The following ALAD variants were observed in gnomAD, a reference collection of about 807,000 sequenced individuals.
The protein encoded by ALAD is delta-aminolevulinic acid dehydratase.
A neutral mutation model predicts 44.4 loss-of-function variants in ALAD; 20 were observed. The ratio of observed to expected loss-of-function variants is 0.45; its 90% CI spans 0.32 to 0.65. ALAD has a LOEUF of 0.65. ALAD is among the 30% of genes least tolerant of loss of function. The pLI, the probability that ALAD is intolerant of heterozygous loss-of-function variation, is 0.05. For synonymous variants in ALAD, 156 were observed against 167.9 expected (o/e 0.93, Z 0.55); for missense variants, 323 against 445.7 (o/e 0.72, Z 2.48).
rs1369017480 is a variant in ALAD at position 113,393,551 on chromosome 9, G to A, written c.9C>T (p.Pro3=). 4 of 1,613,284 alleles carry A rather than the reference G, an allele frequency of 2.5e-6. No individual in the cohort carries two copies. Among genetic ancestry groups the A allele is most frequent in the East Asian group, 2.2e-5 (1 of 44,898 alleles). The part of the protein sequence containing the change: MQ[P]QSVLHSGYFH... The stretch of plus-strand genomic sequence containing the variant: ...AGTAGCCGCTGTGCAGAACGGACTG[G>A]GGCTGCATGGCGTGGGCCAGTGGGC... Residue 3 remains proline (P), a synonymous_variant, in exon 2 of 12, where the codon CCC becomes CCT. Transcript: ENST00000409155.
chr9:113,389,179 T>G, intron 10 of ALAD, 73 bp from the exon 11 acceptor site: 1 of 1,590,570 alleles, frequency 6.3e-7, no homozygotes, highest in Non-Finnish European at 8.6e-7. Flanking sequence ...CCTTCCCCCC[T>G]GCTCAATCTG....
At chr9:113,399,323 A>G (rs1259518667) in intron 1 of ALAD, among the ~76,000 whole-genome samples, 1 of 152,152 alleles carries the variant, frequency 6.6e-6, no homozygotes, top group African/African-American at 2.4e-5. Context: ...TTTTATTACT[A>G]TTAGGAGTGG....
intron 1 of ALAD, among the ~76,000 whole-genome samples, chr9:113,393,892 T>C (rs1471641379): frequency 1.3e-5 from 2 of 152,126 alleles, no homozygotes; most frequent in Non-Finnish European, 2.9e-5. Context: ...TGTTCATTAT[T>C]ATCTTTTAAA....
In ALAD at chr9:113,389,221, T is replaced by C. The variant is rs8177813; in HGVS notation, c.802-115A>G. ...TCTTGAGCCCCGTGTCCTGGGTTAC[T>C]GCGGCTGGCAGCCTGGCCCACTCTT... On this transcript the variant is annotated intron_variant, in intron 10 of 11. Coordinates refer to ENST00000409155, the MANE Select transcript of ALAD (RefSeq NM_000031.6). 0.044 allele frequency: 66,592 copies of C among 1,502,730 alleles called. 1,762 individuals are homozygous for C. Among genetic ancestry groups the C allele is most frequent in the Middle Eastern group, 0.052 (254 of 4,884 alleles). The allele number at this position is 1,502,730 out of a possible 1,614,324, so 93.1% of individuals were successfully genotyped here.
At chr9:113,393,739 C>A in intron 1 of ALAD, 105 bp from the exon 2 acceptor site, 1 of 598,900 alleles carries the variant, frequency 1.7e-6, no homozygotes, top group South Asian at 2.0e-5. Context: ...TCTCTCTAGC[C>A]CAATGCTACT....
chr9:113,388,296 T>C lies in ALAD; in HGVS notation c.*4A>G, dbSNP rs781273728. 2 of 1,614,182 alleles carry C rather than the reference T, an allele frequency of 1.2e-6. No homozygotes were observed. The highest frequency in any genetic ancestry group is 2.2e-5 in the South Asian group (2 of 91,086). On this transcript the variant is annotated 3_prime_UTR_variant, in exon 12 of 12. Transcript: ENST00000409155. ...TCTAGTTCTTGGGCCTGGCACTGTC[T>C]CCATCATTCCTCCTTCAGCCACTGC...
At position 113,388,488 on chromosome 9, in the gene ALAD, C is replaced by T. The variant is rs183947197; in HGVS notation, c.932-127G>A. 4.7e-6 allele frequency: 4 copies of T among 852,448 alleles called. No individual in the cohort carries two copies. In the East Asian group the frequency reaches 9.8e-5, roughly 21 times the overall value. The allele number at this position is 852,448 out of a possible 1,614,324, so 52.8% of individuals were successfully genotyped here. ...AGAAGCACAGCCTGTGGGCACACCA[C>T]ATGAGACGGAGCCCAGCTTTGGGAA... On this transcript the variant is annotated intron_variant, in intron 11 of 11. Transcript: ENST00000409155.
chr9:113,397,001 T>G (rs1209397342), intron 1 of ALAD: 1 of 152,136 alleles, frequency 6.6e-6, no homozygotes, highest in Non-Finnish European at 1.5e-5. Flanking sequence ...CAACTGCTTT[T>G]TGTATGAATG....
At position 113,388,959 on chromosome 9, in the gene ALAD, C is replaced by G. The variant is rs1445232312; in HGVS notation, c.931+18G>C. 8.1e-6 allele frequency: 13 copies of G among 1,613,644 alleles called. No homozygotes were observed. The highest frequency in any genetic ancestry group is 1.0e-5 in the Non-Finnish European group (12 of 1,180,046). On this transcript the variant is annotated intron_variant, in intron 11 of 11. Transcript: ENST00000409155. ...TCCCTGTGGCGCAGGTCAAAACACC[C>G]CACCCTTGCCTGCCTACCTGCTCTG...
At chr9:113,397,144 G>C (rs186699668) in intron 1 of ALAD, 11 of 152,154 alleles carry the variant, frequency 7.2e-5, no homozygotes, top group African/African-American at 2.4e-4. Flanking sequence ...GTCAGATGTC[G>C]AAGCCAGGTC....
At chr9:113,391,472 G>A in intron 4 of ALAD, 55 bp downstream of exon 4, 2 of 1,534,396 alleles carry the variant, frequency 1.3e-6, no homozygotes, top group Non-Finnish European at 1.8e-6. Flanking sequence ...CCAAAGTGCT[G>A]GGATTACGGG....
chr9:113,391,429 C>T, intron 4 of ALAD, 98 bp downstream of exon 4: 1 of 1,054,368 alleles, frequency 9.5e-7, no homozygotes. Flanking sequence ...GTCTCAAAAT[C>T]CTGGGCTCAA....
At position 113,389,621 on chromosome 9, in the gene ALAD, C is replaced by A. The variant is rs201420740; in HGVS notation, c.692G>T (p.Arg231Leu). ...RRCYQLPPGA[R>L]GLALRAVDRD... The stretch of plus-strand genomic sequence containing the variant: ...CACCACAGCTCGGAGAGCCAGGCCT[C>A]GTGCTCCAGGGGGCAGCTGGTAGCA... The change falls in exon 9 of 12, where the codon CGA becomes CTA. Residue 231 changes from arginine (R) to leucine (L), a missense_variant. Transcript: ENST00000409155. The A allele has an allele frequency of 7.4e-6, 12 of 1,614,186 alleles. No individual in the cohort carries two copies. In the South Asian group the frequency reaches 1.2e-4, roughly 16 times the overall value.
Position 113,391,595 on chromosome 9 carries a change from G to C in ALAD, c.193C>G (p.Leu65Val), listed in dbSNP as rs747557477. ...RYGVKRLEEMLRPLVEEGLRC... is the reference protein window; with the variant it reads ...RYGVKRLEEMVRPLVEEGLRC... ...AGGCCCTCTTCCACCAAGGGCCTCA[G>C]CATCTCTTCCAGCCGCTTCACACCA... Residue 65 changes from leucine to valine, a missense_variant, in exon 4 of 12, where the codon CTG (leucine) becomes GTG (valine). By Grantham distance (32) the Leu-to-Val change is conservative (BLOSUM62 1). Transcript: ENST00000409155. 5 of 1,614,134 alleles carry C rather than the reference G, an allele frequency of 3.1e-6. No individual in the cohort carries two copies. The Admixed American group carries it at 8.3e-5, about 27-fold the overall frequency.
chr9:113,389,542 A>G lies in ALAD; in HGVS notation c.715-18T>C. On this transcript the variant is annotated intron_variant, in intron 9 of 11. Transcript: ENST00000409155. ...TCCCGGTCCTAAGGGATGAGGGTATAATGTGGGTGGTGCCTAGGAGGGGGC... is the reference window on the plus strand; with the variant it reads ...TCCCGGTCCTAAGGGATGAGGGTATGATGTGGGTGGTGCCTAGGAGGGGGC... The G allele has an allele frequency of 6.2e-7, 1 of 1,614,114 alleles. No homozygotes were observed. The highest frequency in any genetic ancestry group is 1.7e-4 in the Middle Eastern group (1 of 6,058).
rs1827512262 is a variant in ALAD, at chr9:113,389,588, T to G, written c.714+11A>C. 1 of 1,614,164 alleles carries G rather than the reference T, an allele frequency of 6.2e-7. No homozygotes were observed. The highest frequency in any genetic ancestry group is 8.5e-7 in the Non-Finnish European group (1 of 1,180,034). On this transcript the variant is annotated intron_variant, in intron 9 of 11. Transcript: ENST00000409155. ...GGGGCTGAGGGTGGGGCTCAAGTCC[T>G]AGTCACTCACCACAGCTCGGAGAGC...
rs121912981 is a variant in ALAD, at chr9:113,389,085, C to T, written c.823G>A (p.Val275Met). The T allele has an allele frequency of 1.7e-5, 27 of 1,613,860 alleles. No individual in the cohort carries two copies. The highest frequency in any genetic ancestry group is 4.4e-5 in the South Asian group (4 of 91,088). ...GCAAACTCTCCAGAGACGTGGTACA[C>T]GGCGAGAGGGAGGTCAGGGTGCTGC... ...KDKHPDLPLA[V>M]YHVSGEFAML... The change falls in exon 11 of 12, where the codon GTG (valine) becomes ATG (methionine). Residue 275 changes from valine (V) to methionine (M), a missense_variant. By Grantham distance (21) the Val-to-Met change is conservative (BLOSUM62 1). Transcript: ENST00000409155.
intron 1 of ALAD, among the ~76,000 whole-genome samples, chr9:113,395,704 G>T (rs1300904008): frequency 6.6e-6 from 1 of 152,186 alleles, no homozygotes; most frequent in East Asian, 1.9e-4. Context: ...AGTGCATGGA[G>T]CCTGACCAGA....
At chr9:113,392,877 G>T (rs573028270) in intron 2 of ALAD, among the ~76,000 whole-genome samples, 2 of 149,192 alleles carry the variant, frequency 1.3e-5, no homozygotes, top group South Asian at 2.1e-4. Flanking sequence ...GAGTGAAGTG[G>T]TGCAATCTCG....
Sources: allele counts gnomAD v4.1 joint callset (sites outside exome capture counted in the v4.1 genomes callset), GRCh38; gene constraint gnomAD v4.1.1; transcripts MANE v1.5; gene names NCBI Gene and HGNC (gene_info 2026-07-23, HGNC 2026-07-21).